The following HLF variants were observed in gnomAD, a reference collection of about 807,000 sequenced individuals.
HLF encodes HLF transcription factor, PAR bZIP family member, also known as hepatic leukemia factor.
Under a neutral mutation model 22.6 loss-of-function variants are expected in HLF, and 3 were observed. The ratio of observed to expected loss-of-function variants is 0.13; its 90% confidence interval spans 0.06 to 0.34. HLF has a LOEUF of 0.34. HLF is among the 10% of genes least tolerant of loss of function. HLF has a pLI of 1.00. For missense variants in HLF, 299 were observed against 389.2 expected, an observed-to-expected ratio of 0.77 and a Z score of 1.95; for synonymous variants, 151 against 151.8, an observed-to-expected ratio of 0.99 and a Z score of 0.04.
chr17:55,267,863 T>C lies in HLF; in HGVS notation c.228T>C (p.Tyr76=). The change falls in exon 2 of 4, where the codon TAT becomes TAC. Residue 76 remains tyrosine, a synonymous_variant. Coordinates refer to ENST00000226067, the MANE Select transcript of HLF (RefSeq NM_002126.5). ...CCTTATGGGACAAAACCCTTCCCTATGACGGAGATACTTTCCAGTTGGAAT... is the reference window on the plus strand; with the variant it reads ...CCTTATGGGACAAAACCCTTCCCTACGACGGAGATACTTTCCAGTTGGAAT... The part of the protein sequence containing the change: ...GPTLWDKTLP[Y]DGDTFQLEYM... 1.9e-6 allele frequency: 3 copies of C among 1,614,154 alleles called. No homozygotes were observed. Among genetic ancestry groups the C allele is most frequent in the Non-Finnish European group, 2.5e-6 (3 of 1,180,038 alleles).
chr17:55,290,711 G>A (rs1022426843), intron 2 of HLF, among the ~76,000 whole-genome samples: 1 of 152,118 alleles, frequency 6.6e-6, no homozygotes, highest in African/African-American at 2.4e-5. Flanking sequence ...AGAGTCGCAG[G>A]TCTCTCACTT....
intron 3 of HLF, among the ~76,000 whole-genome samples, chr17:55,319,789 A>G (rs9895713): frequency 0.14 from 21,679 of 152,134 alleles, 1,673 homozygotes; most frequent in Non-Finnish European, 0.17. Context: ...GTAATAGTTC[A>G]GAATAATATA....
chr17:55,284,251 C>G (rs1223415295), intron 2 of HLF, among the ~76,000 whole-genome samples: 2 of 152,216 alleles, frequency 1.3e-5, no homozygotes, highest in Non-Finnish European at 1.5e-5. Flanking sequence ...TGAGCACTTA[C>G]TGTGTGCTCC....
Position 55,315,050 on chromosome 17 carries a change from G to A in HLF, c.452-177G>A, listed in dbSNP as rs181900778. On this transcript the variant is annotated intron_variant, in intron 2 of 3. Coordinates refer to ENST00000226067, the MANE Select transcript of HLF (RefSeq NM_002126.5). ...TTTTGCCTGATGTGACGTGAGTCAA[G>A]TCATACTCAACCTGCTGTGTTCTCA... is the stretch of plus-strand genomic sequence containing the variant. 2.4e-3 allele frequency among the ~76,000 whole-genome samples: 359 copies of A among 152,346 alleles called. 3 individuals are homozygous for A. Among genetic ancestry groups the A allele is most frequent in the Non-Finnish European group, 4.0e-3 (269 of 68,034 alleles).
rs1452181463 is a variant in HLF at position 55,323,977 on chromosome 17, G to C, written c.*3098G>C. ...ATTGTTGTTTCTTTTAACTAGACTTGGCAAAGAAAGGCAAAAATTGACCAG... is the reference window on the plus strand; with the variant it reads ...ATTGTTGTTTCTTTTAACTAGACTTCGCAAAGAAAGGCAAAAATTGACCAG... On this transcript the variant is annotated 3_prime_UTR_variant, in exon 4 of 4. Coordinates refer to ENST00000226067, the MANE Select transcript of HLF (RefSeq NM_002126.5). The C allele has an allele frequency of 4.4e-6, 1 of 228,768 alleles. No individual in the cohort carries two copies. Among genetic ancestry groups the C allele is most frequent in the East Asian group, 6.2e-5 (1 of 16,018 alleles). The allele number at this position is 228,768 out of a possible 1,614,324, so 14.2% of individuals were successfully genotyped here.
chr17:55,279,031 C>A, intron 2 of HLF, among the ~76,000 whole-genome samples: 1 of 152,170 alleles, frequency 6.6e-6, no homozygotes, highest in African/African-American at 2.4e-5. Context: ...AAATTCATTT[C>A]ATTATGATTG....
In HLF at chr17:55,321,985, T is replaced by A; in HGVS notation, c.*1106T>A. Reference sequence around the variant, plus strand: ...CACTTTTTGGTAATATATATATTTTTGTGAATTATACTTTGTTGTTTTTAA... The same window carrying A: ...CACTTTTTGGTAATATATATATTTTAGTGAATTATACTTTGTTGTTTTTAA... On this transcript the variant is annotated 3_prime_UTR_variant, in exon 4 of 4. Coordinates refer to ENST00000226067, the MANE Select transcript of HLF (RefSeq NM_002126.5). 8.9e-6 allele frequency: 2 copies of A among 224,064 alleles called. No homozygotes were observed. Among genetic ancestry groups the A allele is most frequent in the Non-Finnish European group, 1.8e-5 (2 of 112,042 alleles). 13.9% of individuals were successfully genotyped at this position (224,064 alleles called of 1,614,324 possible).
At chr17:55,299,625 G>A (rs1178229223) in intron 2 of HLF, among the ~76,000 whole-genome samples, 1 of 152,156 alleles carries the variant, frequency 6.6e-6, no homozygotes, top group Admixed American at 6.5e-5. Context: ...CATCACCTCA[G>A]CATGCCTGCC....
At chr17:55,305,554 G>A (rs540747167) in intron 2 of HLF, among the ~76,000 whole-genome samples, 149 of 152,326 alleles carry the variant, frequency 9.8e-4, no homozygotes, top group Non-Finnish European at 1.8e-3. Context: ...AGCAGAAAGA[G>A]CGTGGGCTAT....
chr17:55,315,137 C>A, intron 2 of HLF, 90 bp from the exon 3 acceptor site: 1 of 913,946 alleles, frequency 1.1e-6, no homozygotes, highest in Non-Finnish European at 1.8e-6. Context: ...GAGCTGAAGA[C>A]TCTTACCACT....
chr17:55,322,261 A>G lies in HLF; in HGVS notation c.*1382A>G, dbSNP rs1054245763. 1.0e-5 allele frequency: 2 copies of G among 197,168 alleles called. No individual in the cohort carries two copies. Among genetic ancestry groups the G allele is most frequent in the Non-Finnish European group, 2.1e-5 (2 of 94,840 alleles). The allele number at this position is 197,168 out of a possible 1,614,324, so 12.2% of individuals were successfully genotyped here. On this transcript the variant is annotated 3_prime_UTR_variant, in exon 4 of 4. Coordinates refer to ENST00000226067, the MANE Select transcript of HLF (RefSeq NM_002126.5). ...AATCCAATCAATTTAAATGTTTACT[A>G]TAGACCAAAAGGAGAGATTATTAAA...
chr17:55,286,417 CA>C (rs1356493075), intron 2 of HLF, among the ~76,000 whole-genome samples: 1 of 151,990 alleles, frequency 6.6e-6, no homozygotes, highest in South Asian at 2.1e-4. Flanking sequence ...TATCTAATTT[CA>C]AAAAGAGGAA....
intron 2 of HLF, among the ~76,000 whole-genome samples, chr17:55,304,777 A>G (rs900970761): frequency 7.2e-5 from 11 of 152,166 alleles, no homozygotes; most frequent in African/African-American, 2.4e-4. Flanking sequence ...CTTCCCACAT[A>G]CTGTCCATCC....
At chr17:55,312,993 G>T (rs1458719810) in intron 2 of HLF, among the ~76,000 whole-genome samples, 4 of 152,158 alleles carry the variant, frequency 2.6e-5, no homozygotes, top group African/African-American at 7.2e-5. Flanking sequence ...TATCTTTGGG[G>T]AGAAACGGGA....
Position 55,265,014 on chromosome 17 carries a change from C to G in HLF, c.-471C>G, listed in dbSNP as rs1298170435. On this transcript the variant is annotated 5_prime_UTR_variant, in exon 1 of 4. Transcript: ENST00000226067. The stretch of plus-strand genomic sequence containing the variant: ...GCCGGATGCGCTGAGCCCGGCGCTG[C>G]GGGGCCGCGGAGCGCTGGGGAGCAG... The G allele has an allele frequency of 1.2e-5, 2 of 161,806 alleles. No homozygotes were observed. The highest frequency in any genetic ancestry group is 5.5e-5 in the African/African-American group (2 of 36,314). The allele number at this position is 161,806 out of a possible 1,614,324, so 10.0% of individuals were successfully genotyped here. A position where few individuals can be genotyped will look rare whatever the true frequency, so the allele number is the denominator to read the frequency against.
intron 3 of HLF, 136 bp downstream of exon 3, chr17:55,315,583 G>A (rs1905034650): frequency 1.5e-6 from 1 of 681,274 alleles, no homozygotes; most frequent in African/African-American, 1.8e-5. Flanking sequence ...TTCTTGGCAT[G>A]TGACTTCTAG....
At position 55,265,504 on chromosome 17, in the gene HLF, C is replaced by G; in HGVS notation, c.20C>G (p.Pro7Arg). 1 of 1,607,364 alleles carries G rather than the reference C, an allele frequency of 6.2e-7. No individual in the cohort carries two copies. The change falls in exon 1 of 4, where the codon CCG becomes CGG. Residue 7 changes from proline (P) to arginine (R), a missense_variant. Transcript: ENST00000226067. MEKMSR[P>R]LPLNPTFIPP... Reference sequence around the variant, plus strand: ...ATCGCGATGGAGAAAATGTCCCGACCGCTCCCCCTGAATCCCACCTTTATC... The same window carrying G: ...ATCGCGATGGAGAAAATGTCCCGACGGCTCCCCCTGAATCCCACCTTTATC...
intron 2 of HLF, among the ~76,000 whole-genome samples, chr17:55,270,711 A>G (rs565871107): frequency 3.1e-5 from 4 of 128,984 alleles, no homozygotes; most frequent in Middle Eastern, 6.7e-3. Context: ...CCCAGGCTGG[A>G]GTGCAGTGGC....
chr17:55,318,569 A>T (rs765942534), intron 3 of HLF, among the ~76,000 whole-genome samples: 14 of 151,644 alleles, frequency 9.2e-5, no homozygotes, highest in Non-Finnish European at 1.8e-4. Flanking sequence ...CTATGGTGGG[A>T]CCCCCCATTC....
Sources: gnomAD v4.1 joint callset for allele counts (sites outside exome capture counted in the v4.1 genomes callset) on GRCh38, gnomAD v4.1.1 for gene constraint, MANE v1.5 for transcripts, NCBI Gene and HGNC (gene_info 2026-07-23, HGNC 2026-07-21) for gene names.